Variants in DHRSX observed in about 807,000 individuals in gnomAD.
DHRSX encodes the protein polyprenol dehydrogenase.
DHRSX carries 31 observed loss-of-function variants against 34.0 expected under a neutral mutation model. The ratio of observed to expected loss-of-function variants is 0.91; its 90% CI spans 0.69 to 1.23. DHRSX has a LOEUF of 1.23. Among genes scored for constraint, DHRSX ranks in the 50% most tolerant of loss-of-function variants. DHRSX has a pLI of 0.00. For missense variants in DHRSX, 414 were observed against 428.1 expected (o/e 0.97, Z 0.29); for synonymous variants, 201 against 183.8 (o/e 1.09, Z -0.76).
intron 6 of DHRSX, among the ~76,000 whole-genome samples, chrX:2,231,215 GCCACCAGAGAGTCCATC>G (rs1210732908): frequency 6.6e-6 from 1 of 152,068 alleles, no homozygotes; most frequent in Non-Finnish European, 1.5e-5. Context: ...GTCTGTTAGA[GCCACCAGAGAGTCCATC>G]ACAGACATAC....
intron 4 of DHRSX, among the ~76,000 whole-genome samples, chrX:2,282,510 C>G (rs1399241444): frequency 7.6e-6 from 1 of 131,858 alleles, no homozygotes; most frequent in African/African-American, 2.8e-5. Flanking sequence ...GATAGAGAGA[C>G]AAGGGGAGAG....
chrX:2,306,926 CT>C (rs779898766), intron 3 of DHRSX, among the ~76,000 whole-genome samples: 27,582 of 132,012 alleles, frequency 0.21, 6,367 homozygotes, highest in African/African-American at 0.6. Flanking sequence ...GGTCTTGGGG[CT>C]TTTTTTTTTT....
chrX:2,424,218 T>G (rs1404639342), intron 2 of DHRSX, among the ~76,000 whole-genome samples: 2 of 151,504 alleles, frequency 1.3e-5, no homozygotes, highest in Non-Finnish European at 2.9e-5. Flanking sequence ...GAACCAGCCC[T>G]GCCCACACCT....
intron 6 of DHRSX, among the ~76,000 whole-genome samples, chrX:2,230,144 TACTA>T (rs1394711823): frequency 1.3e-5 from 2 of 152,200 alleles, no homozygotes; most frequent in African/African-American, 4.8e-5. Context: ...TGTGTGCACA[TACTA>T]TGCATGTGTG....
At chrX:2,321,185 T>C (rs2042306733) in intron 3 of DHRSX, among the ~76,000 whole-genome samples, 1 of 152,132 alleles carries the variant, frequency 6.6e-6, no homozygotes, top group Non-Finnish European at 1.5e-5. Flanking sequence ...ATGTTTGCAC[T>C]GATTACAGCA....
intron 1 of DHRSX, among the ~76,000 whole-genome samples, chrX:2,498,460 T>C (rs981055981): frequency 2.0e-5 from 3 of 152,068 alleles, no homozygotes; most frequent in Non-Finnish European, 4.4e-5. Flanking sequence ...TTTTAATCCA[T>C]ACATAGGAAG....
chrX:2,464,854 C>G (rs2044467153), intron 1 of DHRSX, among the ~76,000 whole-genome samples: 2 of 152,076 alleles, frequency 1.3e-5, no homozygotes, highest in African/African-American at 4.8e-5. Context: ...CATGTACACA[C>G]TGAAGAATTC....
intron 3 of DHRSX, among the ~76,000 whole-genome samples, chrX:2,381,011 G>A (rs1328767000): frequency 1.3e-5 from 2 of 152,036 alleles, no homozygotes; most frequent in Non-Finnish European, 2.9e-5. Flanking sequence ...GATTACAGGT[G>A]TGCACCACCA....
intron 3 of DHRSX, among the ~76,000 whole-genome samples, chrX:2,325,395 G>GACTAGAC (rs1310387800): frequency 1.5e-4 from 23 of 152,192 alleles, no homozygotes; most frequent in Non-Finnish European, 2.5e-4. Context: ...AGGAACTAGG[G>GACTAGAC]ACTAGACACA....
chrX:2,483,789 CAAAAA>C (rs111577835), intron 1 of DHRSX, among the ~76,000 whole-genome samples: 40,959 of 110,354 alleles, frequency 0.37, 6,728 homozygotes, highest in African/African-American at 0.5. Flanking sequence ...GAAAAAGTGG[CAAAAA>C]AAAAAAAAAA....
chrX:2,226,052 G>T (rs1449748062), intron 6 of DHRSX, among the ~76,000 whole-genome samples: 1 of 150,424 alleles, frequency 6.6e-6, no homozygotes, highest in African/African-American at 2.4e-5. Context: ...CCTTCATCTT[G>T]GACTTCCAGC....
Position 2,488,564 on chromosome X carries a change from G to T in DHRSX, c.109+12253C>A, listed in dbSNP as rs937793650. The stretch of plus-strand genomic sequence containing the variant: ...TCTGAGGTTCAAAACCAAGCTGACC[G>T]GGTAAGTATTTACAGCAAAGCATCC... On this transcript the variant is annotated intron_variant, in intron 1 of 6. Transcript: ENST00000334651. 2.0e-6 allele frequency: 3 copies of T among 1,503,070 alleles called. No individual in the cohort carries two copies. The African/African-American group carries it at 4.3e-5, about 21-fold the overall frequency. The allele number at this position is 1,503,070 out of a possible 1,614,324, so 93.1% of individuals were successfully genotyped here. A position where few individuals can be genotyped will look rare whatever the true frequency, so the allele number is the denominator to read the frequency against.
chrX:2,402,575 A>T (rs190316610), intron 3 of DHRSX, among the ~76,000 whole-genome samples: 2,654 of 152,348 alleles, frequency 0.017, 80 homozygotes, highest in African/African-American at 0.061. Context: ...CAATGGCCAC[A>T]GCCGAAATGT....
chrX:2,439,722 C>T (rs1309328705), intron 1 of DHRSX, among the ~76,000 whole-genome samples: 3 of 152,052 alleles, frequency 2.0e-5, no homozygotes, highest in Non-Finnish European at 4.4e-5. Context: ...ATACGGAGCA[C>T]GCCACCTAGG....
Position 2,284,362 on chromosome X carries a change from ATT to A in DHRSX, c.388+7138_388+7139del, listed in dbSNP as rs773387957. ...TTCATTCATTTGAATTCTTTCATTC[ATT>A]CATTCACTCATTTGAATTCATTCAA... On this transcript the variant is annotated intron_variant, in intron 4 of 6. Coordinates refer to ENST00000334651, the MANE Select transcript of DHRSX (RefSeq NM_145177.3). 2.5e-3 allele frequency among the ~76,000 whole-genome samples: 229 copies of A among 91,884 alleles called. 4 individuals are homozygous for A. The East Asian group carries it at 0.037, about 15-fold the overall frequency. The allele number at this position is 91,884 out of a possible 152,430, so 60.3% of individuals were successfully genotyped here.
intron 1 of DHRSX, among the ~76,000 whole-genome samples, chrX:2,491,140 G>C (rs978428006): frequency 6.9e-6 from 1 of 144,000 alleles, no homozygotes; most frequent in African/African-American, 2.6e-5. Context: ...CGTGATCTCA[G>C]CTCACTGCAA....
intron 1 of DHRSX, among the ~76,000 whole-genome samples, chrX:2,498,537 C>T (rs984907712): frequency 2.0e-4 from 30 of 151,372 alleles, no homozygotes; most frequent in African/African-American, 7.0e-4. Context: ...GATACACACC[C>T]GGGTACAGAT....
At chrX:2,322,955 G>C (rs73187635) in intron 3 of DHRSX, among the ~76,000 whole-genome samples, 1 of 151,676 alleles carries the variant, frequency 6.6e-6, no homozygotes, top group Non-Finnish European at 1.5e-5. Flanking sequence ...ATGGAATCTT[G>C]CTCTGTCGCC....
At chrX:2,241,412 C>G (rs2016138956) in intron 6 of DHRSX, among the ~76,000 whole-genome samples, 1 of 152,152 alleles carries the variant, frequency 6.6e-6, no homozygotes, top group African/African-American at 2.4e-5. Flanking sequence ...TCCCGATGCA[C>G]AGGATGAAGT....
Sources: allele counts gnomAD v4.1 joint callset (sites outside exome capture counted in the v4.1 genomes callset), GRCh38; gene constraint gnomAD v4.1.1; transcripts MANE v1.5; gene names NCBI Gene and HGNC (gene_info 2026-07-23, HGNC 2026-07-21).